Variants in EPHA3 observed in about 807,000 individuals in gnomAD.
The protein encoded by EPHA3 is EPH receptor A3, also known as ephrin type-A receptor 3.
Under a neutral mutation model 107.1 loss-of-function variants are expected in EPHA3, and 42 were observed. That is an observed-to-expected ratio of 0.39 (90% CI 0.31 to 0.51). EPHA3 has a LOEUF of 0.51. Among genes scored for constraint, EPHA3 ranks in the 20% least tolerant of loss-of-function variants. EPHA3 has a pLI of 0.78. For missense variants in EPHA3, 1,183 were observed against 1,211.2 expected, an observed-to-expected ratio of 0.98 and a Z score of 0.35; for synonymous variants, 461 against 424.8, an observed-to-expected ratio of 1.09 and a Z score of -1.05.
At chr3:89,370,520 G>C (rs976469327) in intron 5 of EPHA3, among the ~76,000 whole-genome samples, 9 of 151,688 alleles carry the variant, frequency 5.9e-5, no homozygotes, top group African/African-American at 2.2e-4. Flanking sequence ...GGTGGGAGGA[G>C]GGGGGAGGGA....
chr3:89,438,404 C>T (rs940959179), intron 13 of EPHA3, among the ~76,000 whole-genome samples: 5 of 151,958 alleles, frequency 3.3e-5, no homozygotes, highest in African/African-American at 1.2e-4. Context: ...AGCCACCGTG[C>T]CTGGCCTGTT....
intron 5 of EPHA3, among the ~76,000 whole-genome samples, chr3:89,367,329 A>G (rs1576339292): frequency 6.6e-6 from 1 of 150,444 alleles, no homozygotes; most frequent in African/African-American, 2.4e-5. Context: ...TTCTTGAGTC[A>G]CTTCCTGCAG....
chr3:89,210,494 A>G lies in EPHA3; in HGVS notation c.788A>G (p.Tyr263Cys), dbSNP rs1706250892. The change falls in exon 3 of 17, where the codon TAT becomes TGT. Residue 263 changes from tyrosine to cysteine, a missense_variant. Tyr to Cys is a radical substitution (Grantham distance 194, BLOSUM62 -2). Transcript: ENST00000336596. ...GGCAAGTGTTCCTGCAATGCTGGCT[A>G]TGAAGAAAGAGGTTTTATGTGCCAA... ...PIGKCSCNAG[Y>C]EERGFMCQAC... is the part of the protein sequence containing the mutation. 1.9e-6 allele frequency: 3 copies of G among 1,562,332 alleles called. No individual in the cohort carries two copies. Among genetic ancestry groups the G allele is most frequent in the Non-Finnish European group, 2.6e-6 (3 of 1,158,872 alleles).
intron 2 of EPHA3, among the ~76,000 whole-genome samples, chr3:89,175,851 G>A (rs1336894183): frequency 5.9e-5 from 9 of 152,176 alleles, no homozygotes; most frequent in African/African-American, 2.2e-4. Context: ...AGAGAGAAGG[G>A]CAAAAACATC....
intron 3 of EPHA3, among the ~76,000 whole-genome samples, chr3:89,270,222 C>T (rs1323934791): frequency 3.3e-5 from 5 of 151,996 alleles, no homozygotes; most frequent in Admixed American, 6.6e-5. Flanking sequence ...TGGTTAGAAA[C>T]TGATATCATG....
chr3:89,151,809 A>C (rs1704696124), intron 2 of EPHA3, among the ~76,000 whole-genome samples: 1 of 152,084 alleles, frequency 6.6e-6, no homozygotes, highest in Non-Finnish European at 1.5e-5. Flanking sequence ...ATAAAAGCAT[A>C]GAATTTAAAT....
intron 2 of EPHA3, among the ~76,000 whole-genome samples, chr3:89,147,429 G>T (rs1242690163): frequency 6.6e-6 from 1 of 151,900 alleles, no homozygotes; most frequent in East Asian, 1.9e-4. Flanking sequence ...AAGATGTATG[G>T]TAAGAATAAA....
intron 3 of EPHA3, among the ~76,000 whole-genome samples, chr3:89,340,591 G>A (rs1707496702): frequency 6.6e-6 from 1 of 152,152 alleles, no homozygotes; most frequent in African/African-American, 2.4e-5. Flanking sequence ...ATTACTACAT[G>A]GTGACATGGT....
In EPHA3 at chr3:89,334,080, T is replaced by G. The variant is rs569929316; in HGVS notation, c.815-6836T>G. Among the ~76,000 whole-genome samples the G allele has an allele frequency of 6.6e-5, 10 of 152,302 alleles. No homozygotes were observed. In the East Asian group the frequency reaches 1.7e-3, roughly 26 times the overall value. ...ATTCATTCCCATAAAATTCACAAAC[T>G]TCCAAACATTCTTCACAATGTAAAA... On this transcript the variant is annotated intron_variant, in intron 3 of 16. Coordinates refer to ENST00000336596, the MANE Select transcript of EPHA3 (RefSeq NM_005233.6).
intron 7 of EPHA3, 184 bp downstream of exon 7, chr3:89,399,664 A>C (rs1327533194): frequency 2.4e-6 from 3 of 1,259,366 alleles, no homozygotes; most frequent in African/African-American, 3.1e-5. Context: ...GTGGGTGTAC[A>C]TTTTGTGTTT....
intron 2 of EPHA3, among the ~76,000 whole-genome samples, chr3:89,159,468 T>G (rs1704875607): frequency 6.6e-6 from 1 of 152,128 alleles, no homozygotes; most frequent in Admixed American, 6.6e-5. Context: ...CGTTAGTCCC[T>G]GGCTATGGTC....
intron 13 of EPHA3, among the ~76,000 whole-genome samples, chr3:89,432,841 T>G (rs529104386): frequency 6.6e-6 from 1 of 152,130 alleles, no homozygotes; most frequent in Admixed American, 6.6e-5. Flanking sequence ...ACTTTACTTA[T>G]ATATAAATCA....
intron 3 of EPHA3, among the ~76,000 whole-genome samples, chr3:89,293,818 A>G (rs1046803911): frequency 1.4e-4 from 21 of 152,252 alleles, no homozygotes; most frequent in African/African-American, 5.1e-4. Context: ...TAAATTACCC[A>G]GTCTTAGGTA....
chr3:89,326,342 T>C (rs1454640764), intron 3 of EPHA3, among the ~76,000 whole-genome samples: 1 of 152,166 alleles, frequency 6.6e-6, no homozygotes, highest in Non-Finnish European at 1.5e-5. Context: ...TACTATATTA[T>C]TTAGGGAACA....
intron 3 of EPHA3, among the ~76,000 whole-genome samples, chr3:89,321,978 G>A (rs993018762): frequency 6.6e-6 from 1 of 151,904 alleles, no homozygotes; most frequent in Non-Finnish European, 1.5e-5. Context: ...TTATTTCTGA[G>A]CTTGCATTTG....
intron 2 of EPHA3, among the ~76,000 whole-genome samples, chr3:89,188,672 A>G (rs796679305): frequency 6.6e-5 from 10 of 152,278 alleles, no homozygotes; most frequent in African/African-American, 2.4e-4. Context: ...CTTCACTTCT[A>G]ACTAATATAT....
intron 3 of EPHA3, among the ~76,000 whole-genome samples, chr3:89,247,071 C>G (rs1246983648): frequency 6.6e-6 from 1 of 152,092 alleles, no homozygotes; most frequent in Non-Finnish European, 1.5e-5. Flanking sequence ...TACTCTTTGT[C>G]CATGTTTTTC....
intron 3 of EPHA3, among the ~76,000 whole-genome samples, chr3:89,336,586 G>A (rs1707397272): frequency 6.6e-6 from 1 of 152,086 alleles, no homozygotes; most frequent in African/African-American, 2.4e-5. Context: ...TCATTGAACA[G>A]TTTTGGTGGA....
rs183970699 is a variant in EPHA3 at position 89,366,556 on chromosome 3, G to A, written c.1306+24466G>A. On this transcript the variant is annotated intron_variant, in intron 5 of 16. Transcript: ENST00000336596. ...TTAAATATAATTTGTATATTTGAAA[G>A]CCATGAAAGTTGAAGAGAAAAAGTG... Among the ~76,000 whole-genome samples, 311 of 150,782 alleles carry A rather than the reference G, an allele frequency of 2.1e-3. 8 individuals carry two copies. The highest frequency in any genetic ancestry group is 6.8e-3 in the Middle Eastern group (2 of 292).
Sources: allele counts gnomAD v4.1 joint callset (sites outside exome capture counted in the v4.1 genomes callset), GRCh38; gene constraint gnomAD v4.1.1; transcripts MANE v1.5; gene names NCBI Gene and HGNC (gene_info 2026-07-23, HGNC 2026-07-21).